Variants in PTH2R observed in about 807,000 individuals in gnomAD.
The protein encoded by PTH2R is parathyroid hormone 2 receptor.
Under a neutral mutation model 60.3 loss-of-function variants are expected in PTH2R, and 59 were observed. That is an observed-to-expected ratio of 0.98 (90% CI 0.79 to 1.22). PTH2R has a LOEUF of 1.22. PTH2R is among the 50% of genes most tolerant of loss of function. The pLI is 0.00. For synonymous variants in PTH2R, 256 were observed against 243.8 expected (o/e 1.05, Z -0.47); for missense variants, 749 against 682.6 (o/e 1.10, Z -1.08).
chr2:208,405,754 G>T (rs1046939314), upstream of PTH2R, among the ~76,000 whole-genome samples: 2 of 152,146 alleles, frequency 1.3e-5, no homozygotes, highest in Non-Finnish European at 2.9e-5. Flanking sequence ...TAAGGTGATG[G>T]CTTATTAGGC....
At chr2:208,372,957 A>G (rs1559200847) in intron 1 of PTH2R, among the ~76,000 whole-genome samples, 1 of 152,056 alleles carries the variant, frequency 6.6e-6, no homozygotes, top group Non-Finnish European at 1.5e-5. Context: ...GTGATGGCAC[A>G]TGCCTGTAGG....
At chr2:208,373,447 G>GA (rs1700739290) in intron 1 of PTH2R, among the ~76,000 whole-genome samples, 1 of 152,112 alleles carries the variant, frequency 6.6e-6, no homozygotes, top group African/African-American at 2.4e-5. Flanking sequence ...TTGCTGCATT[G>GA]AAAAAATTTC....
At chr2:208,377,799 C>T (rs1483894889) in intron 1 of PTH2R, among the ~76,000 whole-genome samples, 21 of 151,480 alleles carry the variant, frequency 1.4e-4, no homozygotes, top group Non-Finnish European at 1.0e-4. Context: ...AGGCGCTTCC[C>T]GCATCTCAGA....
chr2:208,471,322 C>A (rs567648896), intron 9 of PTH2R, among the ~76,000 whole-genome samples: 54 of 152,290 alleles, frequency 3.5e-4, no homozygotes, highest in Non-Finnish European at 6.0e-4. Flanking sequence ...CACAGCAACC[C>A]CTTCCATCAC....
intron 9 of PTH2R, among the ~76,000 whole-genome samples, chr2:208,474,381 C>T (rs1303583556): frequency 6.6e-6 from 1 of 152,142 alleles, no homozygotes; most frequent in African/African-American, 2.4e-5. Flanking sequence ...TTTCTGACGC[C>T]ATCATGAAGT....
intron 8 of PTH2R, among the ~76,000 whole-genome samples, chr2:208,452,084 T>C (rs1702417498): frequency 1.3e-5 from 2 of 152,202 alleles, no homozygotes; most frequent in South Asian, 4.1e-4. Context: ...TACATTATTA[T>C]GAACACTTAG....
At chr2:208,377,936 C>A (rs1391751578) in intron 1 of PTH2R, among the ~76,000 whole-genome samples, 2 of 151,904 alleles carry the variant, frequency 1.3e-5, no homozygotes, top group East Asian at 3.9e-4. Context: ...CGATGGGCGG[C>A]CAGGCAGAGA....
rs866327471 is a variant in PTH2R, at chr2:208,418,888, A to C, written c.76-9313A>C. Among the ~76,000 whole-genome samples, 4 of 152,190 alleles carry C rather than the reference A, an allele frequency of 2.6e-5. No homozygotes were observed. The South Asian group carries it at 8.3e-4, about 32-fold the overall frequency. On this transcript the variant is annotated intron_variant, in intron 1 of 12. Transcript: ENST00000272847. ...AATAGCCTATTTTGTAGAAGTACCA[A>C]ATGTGTGGGCATTTAGTTTTTTCTA...
chr2:208,482,802 A>AC lies in PTH2R; in HGVS notation c.1076+1644dup, dbSNP rs200006679. On this transcript the variant is annotated intron_variant, in intron 10 of 12. Coordinates refer to ENST00000272847, the MANE Select transcript of PTH2R (RefSeq NM_005048.4). ...CCCTATCTTATCCATATGGACAGGC[A>AC]CCCCCCATGCGTCCGTTTATAGGCT... is the stretch of plus-strand genomic sequence containing the variant. 7.3e-3 allele frequency among the ~76,000 whole-genome samples: 1,108 copies of AC among 152,048 alleles called. 13 individuals carry two copies. The highest frequency in any genetic ancestry group is 0.024 in the African/African-American group (994 of 41,456).
intron 12 of PTH2R, among the ~76,000 whole-genome samples, chr2:208,492,745 A>T (rs1703432536): frequency 6.6e-6 from 1 of 152,100 alleles, no homozygotes; most frequent in Admixed American, 6.5e-5. Context: ...GGCTAGAGCA[A>T]ATAGTAAATT....
At chr2:208,389,055 G>C (rs1180635944) in intron 1 of PTH2R, among the ~76,000 whole-genome samples, 2 of 152,118 alleles carry the variant, frequency 1.3e-5, no homozygotes, top group African/African-American at 4.8e-5. Context: ...AGAAATAAGA[G>C]GGTGTTCATA....
At chr2:208,405,131 TTAA>T (rs753672185), upstream of PTH2R, among the ~76,000 whole-genome samples, 90 of 152,316 alleles carry the variant, frequency 5.9e-4, no homozygotes, top group Middle Eastern at 0.01. Flanking sequence ...GATGGATTCT[TTAA>T]TAAGTGATGT....
chr2:208,434,226 C>G lies in PTH2R; in HGVS notation c.179-3311C>G, dbSNP rs555089631. Among the ~76,000 whole-genome samples, 12 of 151,948 alleles carry G rather than the reference C, an allele frequency of 7.9e-5. No homozygotes were observed. In the South Asian group the frequency reaches 2.5e-3, roughly 32 times the overall value. On this transcript the variant is annotated intron_variant, in intron 2 of 12. Transcript: ENST00000272847. Reference sequence around the variant, plus strand: ...CTACTTGGGAGGATGAACAGGAAAACTGCTTGAACTCGGGAGGCGGAGGTT... The same window carrying G: ...CTACTTGGGAGGATGAACAGGAAAAGTGCTTGAACTCGGGAGGCGGAGGTT...
At chr2:208,410,107 T>C (rs905444528) in intron 1 of PTH2R, among the ~76,000 whole-genome samples, 8 of 152,160 alleles carry the variant, frequency 5.3e-5, no homozygotes, top group Admixed American at 3.9e-4. Context: ...ATTCCTACTG[T>C]TGACCTTCCA....
intron 1 of PTH2R, among the ~76,000 whole-genome samples, chr2:208,408,244 G>A (rs1047685627): frequency 2.6e-5 from 4 of 152,042 alleles, no homozygotes; most frequent in Non-Finnish European, 5.9e-5. Flanking sequence ...AATAATATTA[G>A]CAATGGATAG....
intron 11 of PTH2R, 21 bp downstream of exon 11, chr2:208,489,171 A>T: frequency 6.2e-7 from 1 of 1,612,790 alleles, no homozygotes; most frequent in Non-Finnish European, 8.5e-7. Context: ...CTGCCTAGTC[A>T]TCTGATTCTT....
In PTH2R at chr2:208,388,143, C is replaced by CCA. The variant is rs1553540982; in HGVS notation, c.-259+27906_-259+27907insCA. On this transcript the variant is annotated intron_variant, in intron 1 of 12. Coordinates refer to the PTH2R transcript ENST00000617735. Reference sequence around the variant, plus strand: ...GCTAACATGGTGAAACCCCCCCCCCCGTCTCTACTAAAAATACAAAAAATT... The same window carrying CCA: ...GCTAACATGGTGAAACCCCCCCCCCCCAGTCTCTACTAAAAATACAAAAAATT... Among the ~76,000 whole-genome samples, 2 of 148,858 alleles carry CCA rather than the reference C, an allele frequency of 1.3e-5. 1 individual carries two copies. The highest frequency in any genetic ancestry group is 3.9e-4 in the East Asian group (2 of 5,106).
intron 12 of PTH2R, among the ~76,000 whole-genome samples, chr2:208,492,349 C>T (rs892434103): frequency 6.6e-6 from 1 of 152,158 alleles, no homozygotes; most frequent in East Asian, 1.9e-4. Context: ...AGATTTTATT[C>T]AGTAACTACT....
chr2:208,482,147 A>T (rs1032058945), intron 10 of PTH2R, among the ~76,000 whole-genome samples: 3 of 152,190 alleles, frequency 2.0e-5, no homozygotes, highest in South Asian at 4.1e-4. Context: ...CATCATAGTC[A>T]GCATTTTGAT....
Sources: gnomAD v4.1 joint callset for allele counts (sites outside exome capture counted in the v4.1 genomes callset) on GRCh38, gnomAD v4.1.1 for gene constraint, MANE v1.5 for transcripts, NCBI Gene and HGNC (gene_info 2026-07-23, HGNC 2026-07-21) for gene names.